SLC9B1: variants seen among roughly 807,000 people sequenced by gnomAD.
The protein encoded by SLC9B1 is solute carrier family 9 member B1, also known as sodium/hydrogen exchanger 9B1.
SLC9B1 carries 32 observed loss-of-function variants against 51.7 expected under a neutral mutation model. The ratio of observed to expected loss-of-function variants is 0.62; its 90% CI spans 0.47 to 0.83. SLC9B1 has a LOEUF of 0.83. Ranked by LOEUF, SLC9B1 falls within the 40% of genes least tolerant of loss-of-function variation. SLC9B1 has a pLI of 0.00. For missense variants in SLC9B1, 406 were observed against 613.2 expected (o/e 0.66, Z 3.57); for synonymous variants, 145 against 212.7 (o/e 0.68, Z 2.77).
intron 3 of SLC9B1, among the ~76,000 whole-genome samples, chr4:102,966,876 TG>T (rs1456731408): frequency 6.6e-6 from 1 of 152,236 alleles, no homozygotes. Context: ...CTTGTCATTT[TG>T]CATTTCACTG....
chr4:102,938,453 T>C (rs1034679689), intron 6 of SLC9B1, among the ~76,000 whole-genome samples: 1 of 152,178 alleles, frequency 6.6e-6, no homozygotes, highest in Non-Finnish European at 1.5e-5. Context: ...CTGACAGTAC[T>C]AGACAGATCA....
downstream of SLC9B1, among the ~76,000 whole-genome samples, chr4:102,898,900 TG>T (rs1430555618): frequency 2.0e-5 from 3 of 152,082 alleles, no homozygotes; most frequent in Non-Finnish European, 2.9e-5. Flanking sequence ...GCTAGTTTTT[TG>T]TATTTTTATT....
chr4:102,945,018 A>T (rs1488096390), intron 6 of SLC9B1, among the ~76,000 whole-genome samples, 175 bp downstream of exon 6: 3 of 152,206 alleles, frequency 2.0e-5, no homozygotes, highest in African/African-American at 7.2e-5. Context: ...TTTGTTAAAA[A>T]AATTTCGTAC....
chr4:102,913,243 T>C (rs1735424669), intron 7 of SLC9B1, among the ~76,000 whole-genome samples: 1 of 152,172 alleles, frequency 6.6e-6, no homozygotes, highest in Non-Finnish European at 1.5e-5. Flanking sequence ...GACACCCAAC[T>C]GGCATACTTT....
At chr4:103,008,001 C>G in intron 1 of SLC9B1, among the ~76,000 whole-genome samples, 1 of 152,088 alleles carries the variant, frequency 6.6e-6, no homozygotes, top group East Asian at 1.9e-4. Flanking sequence ...TTTGTACTAA[C>G]AAAAATAAGA....
At chr4:102,993,070 C>T (rs1043268729) in intron 1 of SLC9B1, among the ~76,000 whole-genome samples, 1 of 132,320 alleles carries the variant, frequency 7.6e-6, no homozygotes, top group East Asian at 2.2e-4. Context: ...GGGACAGAGA[C>T]AAATCATATC....
intron 6 of SLC9B1, among the ~76,000 whole-genome samples, chr4:102,938,410 C>T (rs1560939227): frequency 6.6e-6 from 1 of 152,094 alleles, no homozygotes; most frequent in Non-Finnish European, 1.5e-5. Context: ...CTTAGATAAC[C>T]ACAGAATAAT....
At chr4:102,980,321 A>G (rs1739287787) in intron 3 of SLC9B1, among the ~76,000 whole-genome samples, 1 of 152,188 alleles carries the variant, frequency 6.6e-6, no homozygotes, top group Admixed American at 6.5e-5. Context: ...CACTATTCAC[A>G]ATAAAAAAGA....
At chr4:102,926,937 A>G (rs112015614) in intron 7 of SLC9B1, among the ~76,000 whole-genome samples, 82,670 of 152,016 alleles carry the variant, frequency 0.54, 23,022 homozygotes, top group African/African-American at 0.68. Flanking sequence ...GGCCTCAGAA[A>G]TAAGACCACA....
At chr4:102,912,076 T>C (rs575950582) in intron 7 of SLC9B1, 3 of 201,522 alleles carry the variant, frequency 1.5e-5, no homozygotes, top group Non-Finnish European at 3.2e-5. Flanking sequence ...GAGTTTGCAG[T>C]GAGCTGAGAT....
At chr4:102,982,511 T>C (rs1739413039) in intron 3 of SLC9B1, among the ~76,000 whole-genome samples, 1 of 152,122 alleles carries the variant, frequency 6.6e-6, no homozygotes, top group Non-Finnish European at 1.5e-5. Flanking sequence ...ACAATACTAG[T>C]CTTTCATGAA....
At chr4:103,017,018 A>T (rs1741400332) in intron 1 of SLC9B1, 1 of 152,154 alleles carries the variant, frequency 6.6e-6, no homozygotes, top group African/African-American at 2.4e-5. Context: ...TAAGCAAAAT[A>T]AAACTCCCCC....
intron 7 of SLC9B1, among the ~76,000 whole-genome samples, chr4:102,920,056 C>A (rs1458047126): frequency 9.9e-5 from 15 of 152,234 alleles, no homozygotes; most frequent in Admixed American, 9.8e-4. Context: ...GTGGTTTTCC[C>A]AGCATGGCGT....
chr4:102,918,068 CAAAAAAAAAAA>C (rs1196562612), intron 7 of SLC9B1, among the ~76,000 whole-genome samples: 4 of 17,776 alleles, frequency 2.3e-4, no homozygotes, highest in Non-Finnish European at 5.9e-4. Flanking sequence ...AACTCCATCT[CAAAAAAAAAAA>C]AAAAAAAAAG....
rs566845860 is a variant in SLC9B1, at chr4:102,920,065, G to A, written c.830-8528C>T. ...AGAGCAGTGGTTTTCCCAGCATGGC[G>A]TTTGAGTTCTGAGAATGGACAGACT... On this transcript the variant is annotated intron_variant, in intron 7 of 11. Transcript: ENST00000296422. Among the ~76,000 whole-genome samples the A allele has an allele frequency of 1.3e-4, 20 of 152,352 alleles. No homozygotes were observed. The South Asian group carries it at 3.3e-3, about 25-fold the overall frequency.
chr4:102,967,980 A>T (rs547391633), intron 3 of SLC9B1, among the ~76,000 whole-genome samples: 5 of 152,334 alleles, frequency 3.3e-5, no homozygotes, highest in Admixed American at 3.3e-4. Flanking sequence ...TAGAAAGATT[A>T]TTGGAAAAAT....
In SLC9B1 at chr4:102,901,202, A is replaced by C. The variant is rs1216239615; in HGVS notation, c.1463T>G (p.Met488Arg). Residue 488 changes from methionine (M) to arginine (R), a missense_variant, in exon 12 of 12, where the codon ATG (methionine) becomes AGG (arginine). Met to Arg is a moderately conservative substitution (Grantham distance 91). Around this residue, in one of 6 missense-constraint regions of SLC9B1, gnomAD observed 18 missense variants for 35.9 expected, o/e 0.50. Transcript: ENST00000296422. ...AAGCATTTTAGGCCCCAGAATGCCCATAAGTAGAGCTCCATTTGGAGCTGT... is the reference window on the plus strand; with the variant it reads ...AAGCATTTTAGGCCCCAGAATGCCCCTAAGTAGAGCTCCATTTGGAGCTGT... ...LITAPNGALL[M>R]GILGPKMLTR... The C allele has an allele frequency of 6.2e-7, 1 of 1,612,064 alleles. No homozygotes were observed. The highest frequency in any genetic ancestry group is 1.7e-5 in the Admixed American group (1 of 60,030).
At chr4:102,922,880 C>A (rs1417723427) in intron 7 of SLC9B1, among the ~76,000 whole-genome samples, 5 of 152,062 alleles carry the variant, frequency 3.3e-5, no homozygotes, top group Non-Finnish European at 7.4e-5. Context: ...TCTGAATAGA[C>A]CAATAACAGG....
chr4:102,948,366 A>ACACACG lies in SLC9B1; in HGVS notation c.382+890_382+891insCGTGTG, dbSNP rs1385767208. 5.2e-3 allele frequency among the ~76,000 whole-genome samples: 782 copies of ACACACG among 150,476 alleles called. 12 individuals are homozygous for ACACACG. The highest frequency in any genetic ancestry group is 0.018 in the African/African-American group (730 of 40,590). The stretch of plus-strand genomic sequence containing the variant: ...CACACACACACACACACACACACAC[A>ACACACG]CTACTGGTCAATATCCCTGATGAAC... On this transcript the variant is annotated intron_variant, in intron 4 of 11. Coordinates refer to ENST00000296422, the MANE Select transcript of SLC9B1 (RefSeq NM_139173.4).
Sources: allele counts gnomAD v4.1 joint callset (sites outside exome capture counted in the v4.1 genomes callset), GRCh38; gene constraint gnomAD v4.1.1; regional missense constraint gnomAD v4.1.1; transcripts MANE v1.5; gene names NCBI Gene and HGNC (gene_info 2026-07-23, HGNC 2026-07-21).